Variants in SSUH2 observed in about 807,000 individuals in gnomAD.
SSUH2 encodes the protein ssu-2 homolog.
Under a neutral mutation model 55.3 loss-of-function variants are expected in SSUH2, and 47 were observed. That is an observed-to-expected ratio of 0.85 (90% CI 0.67 to 1.08). SSUH2 has a LOEUF of 1.08. Among genes scored for constraint, SSUH2 ranks in the 50% least tolerant of loss-of-function variants. SSUH2 has a pLI of 0.00. For missense variants in SSUH2, 535 were observed against 490.7 expected, an observed-to-expected ratio of 1.09 and a Z score of -0.85; for synonymous variants, 212 against 191.5, an observed-to-expected ratio of 1.11 and a Z score of -0.89.
chr3:8,624,787 C>T (rs1401663319), intron 10 of SSUH2, among the ~76,000 whole-genome samples: 2 of 152,262 alleles, frequency 1.3e-5, no homozygotes, highest in East Asian at 3.9e-4. Flanking sequence ...GGTGTGCCAA[C>T]TCCTGGCCCG....
In SSUH2 at chr3:8,666,510, C is replaced by A. The variant is rs551027218; in HGVS notation, c.-454-2708G>T. Among the ~76,000 whole-genome samples the A allele has an allele frequency of 1.3e-3, 203 of 152,280 alleles. 1 individual carries two copies. Among genetic ancestry groups the A allele is most frequent in the Non-Finnish European group, 2.3e-3 (159 of 68,028 alleles). ...GAAAAACAAGGAAGGGGGAAGAGCCCAGCCAGGGCACCATTTCTGGAAGGT... is the reference window on the plus strand; with the variant it reads ...GAAAAACAAGGAAGGGGGAAGAGCCAAGCCAGGGCACCATTTCTGGAAGGT... On this transcript the variant is annotated intron_variant, in intron 5 of 18. Coordinates refer to the SSUH2 transcript ENST00000317371.
At position 8,677,568 on chromosome 3, in the gene SSUH2, A is replaced by G. The variant is rs183001347; in HGVS notation, c.-900-215T>C. 6.0e-5 allele frequency among the ~76,000 whole-genome samples: 9 copies of G among 150,942 alleles called. 1 individual carries two copies. The highest frequency in any genetic ancestry group is 2.2e-4 in the African/African-American group (9 of 41,154). On this transcript the variant is annotated intron_variant, in intron 2 of 18. Coordinates refer to the SSUH2 transcript ENST00000317371. ...CCCAGCCCTGGGGCTACCCGATCTG[A>G]CACAGCCTTTTCCATTGTATGCATC...
At chr3:8,639,974 CA>C in intron 1 of SSUH2, 1 of 985,394 alleles carries the variant, frequency 1.0e-6, no homozygotes, top group Non-Finnish European at 1.2e-6. Context: ...TCGATATGCA[CA>C]AATGCCTCGT....
chr3:8,637,719 G>C (rs1333410179), intron 1 of SSUH2, among the ~76,000 whole-genome samples: 1 of 152,230 alleles, frequency 6.6e-6, no homozygotes, highest in Non-Finnish European at 1.5e-5. Context: ...GTCAGTCACA[G>C]GAGTTGACTT....
At chr3:8,630,037 T>G (rs1698445923) in intron 6 of SSUH2, among the ~76,000 whole-genome samples, 2 of 152,178 alleles carry the variant, frequency 1.3e-5, no homozygotes, top group African/African-American at 2.4e-5. Context: ...CTGATGGCAT[T>G]TGCCCATAAG....
chr3:8,670,462 C>A (rs373262427), intron 5 of SSUH2, among the ~76,000 whole-genome samples: 2 of 151,948 alleles, frequency 1.3e-5, no homozygotes, highest in East Asian at 1.9e-4. Context: ...CAGGTGTCCA[C>A]ACATGGTGTA....
intron 7 of SSUH2, among the ~76,000 whole-genome samples, chr3:8,658,685 C>T (rs1281288654): frequency 6.6e-6 from 1 of 152,188 alleles, no homozygotes; most frequent in Admixed American, 6.5e-5. Flanking sequence ...CGTCAAGCCT[C>T]CAGATAGCAG....
At chr3:8,674,869 T>A (rs1054011235) in intron 3 of SSUH2, among the ~76,000 whole-genome samples, 19 of 146,284 alleles carry the variant, frequency 1.3e-4, no homozygotes, top group African/African-American at 4.9e-4. Context: ...TGGCCAAGGG[T>A]CCGGGCGGAA....
chr3:8,678,560 CA>C (rs1383084937), intron 2 of SSUH2, among the ~76,000 whole-genome samples: 28 of 117,116 alleles, frequency 2.4e-4, no homozygotes, highest in African/African-American at 4.4e-4. Context: ...CTTAGGACCC[CA>C]ATCACAGAGG....
chr3:8,642,765 G>A (rs1701068789), intron 1 of SSUH2, among the ~76,000 whole-genome samples: 1 of 152,150 alleles, frequency 6.6e-6, no homozygotes, highest in African/African-American at 2.4e-5. Flanking sequence ...GATAAAATGG[G>A]CAATCACCTC....
chr3:8,663,439 G>A (rs947644621), intron 6 of SSUH2, among the ~76,000 whole-genome samples: 21 of 152,200 alleles, frequency 1.4e-4, no homozygotes, highest in African/African-American at 4.8e-4. Context: ...CCTGTCTCTC[G>A]TCCTTTGTTC....
chr3:8,677,974 C>A (rs1705547882), intron 2 of SSUH2, among the ~76,000 whole-genome samples: 1 of 151,346 alleles, frequency 6.6e-6, no homozygotes, highest in Non-Finnish European at 1.5e-5. Context: ...TCATCCTCTT[C>A]CTCCCTGAAT....
upstream of SSUH2, among the ~76,000 whole-genome samples, chr3:8,646,448 C>T (rs1485071219): frequency 6.6e-6 from 1 of 152,118 alleles, no homozygotes; most frequent in African/African-American, 2.4e-5. Context: ...TTACAAGGAC[C>T]CGAAATCTTG....
intron 11 of SSUH2, among the ~76,000 whole-genome samples, chr3:8,620,932 A>G (rs1321768841): frequency 1.3e-5 from 2 of 152,240 alleles, no homozygotes; most frequent in Non-Finnish European, 2.9e-5. Context: ...GGAGATGCTA[A>G]GTCCCTCATT....
chr3:8,681,095 A>AT (rs1705906092), intron 1 of SSUH2, among the ~76,000 whole-genome samples: 1 of 91,724 alleles, frequency 1.1e-5, no homozygotes, highest in Non-Finnish European at 2.5e-5. Context: ...GGGGAGAGGC[A>AT]CCCCCGCGAG....
chr3:8,656,862 GGTTTGTTTGTTTGTTT>G (rs60486079), intron 7 of SSUH2, among the ~76,000 whole-genome samples: 1 of 149,936 alleles, frequency 6.7e-6, no homozygotes, highest in Non-Finnish European at 1.5e-5. Flanking sequence ...TTCATTTTTT[GGTTTGTTTGTTTGTTT>G]GTTTGTTTGT....
chr3:8,632,541 A>G (rs908154160), intron 4 of SSUH2, among the ~76,000 whole-genome samples: 4 of 152,210 alleles, frequency 2.6e-5, no homozygotes, highest in Admixed American at 6.5e-5. Context: ...GGTCTTGGAC[A>G]TCACTTGCCC....
intron 7 of SSUH2, among the ~76,000 whole-genome samples, chr3:8,657,820 A>G (rs1575316051): frequency 6.6e-6 from 1 of 152,350 alleles, no homozygotes; most frequent in Non-Finnish European, 1.5e-5. Context: ...CTTGCTCAGC[A>G]GAGAACCAGG....
At chr3:8,621,022 G>T (rs1696321519) in intron 11 of SSUH2, among the ~76,000 whole-genome samples, 1 of 152,176 alleles carries the variant, frequency 6.6e-6, no homozygotes. Context: ...GCCCACCTTG[G>T]GAGCAAACAT....
Sources: allele counts gnomAD v4.1 joint callset (sites outside exome capture counted in the v4.1 genomes callset), GRCh38; gene constraint gnomAD v4.1.1; transcripts MANE v1.5; gene names NCBI Gene and HGNC (gene_info 2026-07-23, HGNC 2026-07-21).